The following FAF1 variants were observed in gnomAD, a reference collection of about 807,000 sequenced individuals.
FAF1 encodes the protein Fas associated factor 1, also known as FAS-associated factor 1.
FAF1 carries 25 observed loss-of-function variants against 92.5 expected under a neutral mutation model. The observed-to-expected ratio is 0.27, with a 90% CI of 0.20 to 0.38. FAF1 has a LOEUF of 0.38. Among genes scored for constraint, FAF1 ranks in the 10% least tolerant of loss-of-function variants. The pLI, the probability that FAF1 is intolerant of heterozygous loss-of-function variation, is 1.00. For synonymous variants in FAF1, 234 were observed against 273.2 expected, an observed-to-expected ratio of 0.86 and a Z score of 1.42; for missense variants, 636 against 793.3, an observed-to-expected ratio of 0.80 and a Z score of 2.38.
chr1:50,558,026 G>A (rs1046347376), intron 13 of FAF1, among the ~76,000 whole-genome samples: 11 of 151,882 alleles, frequency 7.2e-5, no homozygotes, highest in Admixed American at 3.9e-4. Flanking sequence ...AGCCTCCCAA[G>A]TAGCTGGGAC....
intron 1 of FAF1, among the ~76,000 whole-genome samples, chr1:50,948,539 T>TC (rs1645189312): frequency 6.6e-6 from 1 of 150,682 alleles, no homozygotes; most frequent in South Asian, 2.1e-4. Flanking sequence ...TTTTTCTTTT[T>TC]TTTTTTTTTT....
At chr1:50,897,008 C>T (rs1644762777) in intron 1 of FAF1, among the ~76,000 whole-genome samples, 1 of 151,852 alleles carries the variant, frequency 6.6e-6, no homozygotes, top group Non-Finnish European at 1.5e-5. Flanking sequence ...TTCCTACATA[C>T]CAGCAATAAA....
At chr1:50,849,716 A>C (rs1644332362) in intron 2 of FAF1, among the ~76,000 whole-genome samples, 1 of 152,178 alleles carries the variant, frequency 6.6e-6, no homozygotes, top group South Asian at 2.1e-4. Flanking sequence ...CATAAGTAAA[A>C]CATAATAAAT....
chr1:50,853,659 T>C (rs1361935417), intron 2 of FAF1, among the ~76,000 whole-genome samples: 1 of 152,044 alleles, frequency 6.6e-6, no homozygotes, highest in South Asian at 2.1e-4. Context: ...TCACTTAACA[T>C]TGGGTTATCA....
At chr1:50,765,862 A>G (rs539325358) in intron 4 of FAF1, among the ~76,000 whole-genome samples, 1 of 152,304 alleles carries the variant, frequency 6.6e-6, no homozygotes, top group African/African-American at 2.4e-5. Flanking sequence ...AGGCTGAGGC[A>G]GGTGGATGAC....
At position 50,843,498 on chromosome 1, in the gene FAF1, C is replaced by T. The variant is rs1644272917; in HGVS notation, c.114+14431G>A. Among the ~76,000 whole-genome samples the T allele has an allele frequency of 2.0e-5, 3 of 152,050 alleles. No individual in the cohort carries two copies. The South Asian group carries it at 6.2e-4, about 32-fold the overall frequency. On this transcript the variant is annotated intron_variant, in intron 2 of 18. Coordinates refer to ENST00000396153, the MANE Select transcript of FAF1 (RefSeq NM_007051.3). ...CATCAGAACTTATTCCTTCTATCTA[C>T]TTTTGTACACATAAACCAACCTCTC...
intron 8 of FAF1, among the ~76,000 whole-genome samples, chr1:50,634,182 A>G (rs1653911770): frequency 6.6e-6 from 1 of 152,164 alleles, no homozygotes; most frequent in African/African-American, 2.4e-5. Flanking sequence ...TTTGGGTGAG[A>G]AAATTTGTAA....
chr1:50,631,278 T>G (rs925059877), intron 8 of FAF1, among the ~76,000 whole-genome samples: 1 of 152,194 alleles, frequency 6.6e-6, no homozygotes, highest in African/African-American at 2.4e-5. Flanking sequence ...CAATTTAATA[T>G]TTATTCATGT....
chr1:50,817,955 G>A (rs1016664839), intron 2 of FAF1, among the ~76,000 whole-genome samples: 2 of 152,096 alleles, frequency 1.3e-5, no homozygotes, highest in African/African-American at 4.8e-5. Context: ...AATACTATAT[G>A]ATTCCACATA....
chr1:50,668,143 A>G (rs1422998482), intron 7 of FAF1, among the ~76,000 whole-genome samples: 2 of 152,212 alleles, frequency 1.3e-5, no homozygotes, highest in Non-Finnish European at 2.9e-5. Flanking sequence ...CATGAATACT[A>G]AAGTGGCCTG....
intron 7 of FAF1, among the ~76,000 whole-genome samples, chr1:50,692,294 G>GT (rs1557478299): frequency 4.0e-5 from 4 of 98,770 alleles, no homozygotes; most frequent in South Asian, 3.1e-4. Flanking sequence ...TGTGTGTGTG[G>GT]TGGGAACATT....
At chr1:50,925,277 G>A (rs912583435) in intron 1 of FAF1, among the ~76,000 whole-genome samples, 10 of 152,074 alleles carry the variant, frequency 6.6e-5, no homozygotes, top group East Asian at 1.9e-4. Flanking sequence ...GTGGAATCAC[G>A]TCAGGACAAA....
chr1:50,705,410 T>C (rs1657633102), intron 7 of FAF1, among the ~76,000 whole-genome samples: 1 of 152,210 alleles, frequency 6.6e-6, no homozygotes, highest in African/African-American at 2.4e-5. Context: ...GAGTACACAA[T>C]ATAAATAATT....
intron 7 of FAF1, among the ~76,000 whole-genome samples, chr1:50,692,401 C>G (rs1656977632): frequency 6.6e-6 from 1 of 152,030 alleles, no homozygotes; most frequent in African/African-American, 2.4e-5. Context: ...TTCCTCCTGT[C>G]AAACTGAAAC....
intron 1 of FAF1, among the ~76,000 whole-genome samples, chr1:50,925,525 G>A (rs960690217): frequency 1.3e-5 from 2 of 149,860 alleles, no homozygotes; most frequent in Non-Finnish European, 3.0e-5. Flanking sequence ...TTTCTCAAAC[G>A]AAGACATAGA....
At chr1:50,801,234 GAAGGAGAAAAAGTCTGTAGT>G (rs1010353163) in intron 3 of FAF1, among the ~76,000 whole-genome samples, 13 of 152,152 alleles carry the variant, frequency 8.5e-5, no homozygotes, top group African/African-American at 3.1e-4. Flanking sequence ...ACCCAAAAGG[GAAGGAGAAAAAGTCTGTAGT>G]AAGCCTGGAG....
rs79033039 is a variant in FAF1, at chr1:50,659,886, A to T, written c.658-4358T>A. On this transcript the variant is annotated intron_variant, in intron 7 of 18. Transcript: ENST00000396153. ...CTGAGAAAATATATAAATCAGGTTAATTTTTAATAGTATAGAATTAATATG... is the reference window on the plus strand; with the variant it reads ...CTGAGAAAATATATAAATCAGGTTATTTTTTAATAGTATAGAATTAATATG... Among the ~76,000 whole-genome samples, 437 of 152,270 alleles carry T rather than the reference A, an allele frequency of 2.9e-3. 4 individuals are homozygous for T. The highest frequency in any genetic ancestry group is 1.0e-2 in the African/African-American group (415 of 41,558).
intron 8 of FAF1, among the ~76,000 whole-genome samples, chr1:50,652,563 T>C (rs1314107671): frequency 2.0e-5 from 3 of 152,244 alleles, no homozygotes; most frequent in Non-Finnish European, 2.9e-5. Flanking sequence ...CTTATGTCCC[T>C]GCTCTTAAAC....
chr1:50,489,801 T>A (rs1646808926), intron 17 of FAF1, among the ~76,000 whole-genome samples: 1 of 152,158 alleles, frequency 6.6e-6, no homozygotes, highest in African/African-American at 2.4e-5. Context: ...TATCTTTTGG[T>A]GGGTAAAGTG....
Sources: gnomAD v4.1 joint callset for allele counts (sites outside exome capture counted in the v4.1 genomes callset) on GRCh38, gnomAD v4.1.1 for gene constraint, MANE v1.5 for transcripts, NCBI Gene and HGNC (gene_info 2026-07-23, HGNC 2026-07-21) for gene names.